Variants in SCN1B observed in about 807,000 individuals in gnomAD.
SCN1B encodes sodium channel regulatory subunit beta-1.
In SCN1B, 11 loss-of-function variants were observed where a neutral mutation model predicts 25.7. That is an observed-to-expected ratio of 0.43 (90% CI 0.27 to 0.71). The LOEUF (loss-of-function observed/expected upper bound fraction) is 0.71. Ranked by LOEUF, SCN1B falls within the 30% of genes least tolerant of loss-of-function variation. SCN1B has a pLI of 0.21. For missense variants in SCN1B, 224 were observed against 291.5 expected (o/e 0.77, Z 1.69); for synonymous variants, 119 against 117.5 (o/e 1.01, Z -0.08).
At position 35,032,654 on chromosome 19, in the gene SCN1B, A is replaced by T. The variant is rs1214500215; in HGVS notation, c.167A>T (p.Glu56Val). The change falls in exon 2 of 6, where the codon GAG becomes GTG. Residue 56 changes from glutamate (E) to valine (V), a missense_variant. This residue lies in a region of SCN1B where 126 missense variants were observed against 204.9 expected (regional missense o/e 0.61). Coordinates refer to ENST00000262631, the MANE Select transcript of SCN1B (RefSeq NM_001037.5). This position sits in a 1 kb window ranked among gnomAD's most constrained non-coding sequence, Gnocchi z 4.3. Reference protein sequence around the residue: ...RSETNAETFTEWTFRQKGTEE... With the variant: ...RSETNAETFTVWTFRQKGTEE... ...GAGACCAACGCTGAGACCTTCACCG[A>T]GTGGACCTTCCGCCAGAAGGGCACT... The T allele has an allele frequency of 1.2e-6, 2 of 1,614,076 alleles. No individual in the cohort carries two copies. The highest frequency in any genetic ancestry group is 8.5e-7 in the Non-Finnish European group (1 of 1,180,038).
rs112920218 is a variant in SCN1B, at chr19:35,039,937, CA to C, written c.*147del. 1,107 of 588,756 alleles carry C rather than the reference CA, an allele frequency of 1.9e-3. 13 individuals are homozygous for C. Among genetic ancestry groups the C allele is most frequent in the African/African-American group, 0.019 (1,001 of 53,420 alleles). 36.5% of individuals were successfully genotyped at this position (588,756 alleles called of 1,614,324 possible). ...ACGGAGCCACTGGGGTGGGAGGGGGCAGGGGGCTTGGCTCGCACCCCCACTT... is the reference window on the plus strand; with the variant it reads ...ACGGAGCCACTGGGGTGGGAGGGGGCGGGGGCTTGGCTCGCACCCCCACTT... On this transcript the variant is annotated 3_prime_UTR_variant, in exon 6 of 6. Coordinates refer to ENST00000262631, the MANE Select transcript of SCN1B (RefSeq NM_001037.5).
chr19:35,038,899 C>T, intron 3 of SCN1B: 1 of 600,072 alleles, frequency 1.7e-6, no homozygotes, highest in Admixed American at 2.3e-5. Flanking sequence ...GTGCTGAGGG[C>T]CTCCAGAATG....
rs765702440 is a variant in SCN1B, at chr19:35,039,239, A to C, written c.571A>C (p.Thr191Pro). The change falls in exon 4 of 6, where the codon ACT becomes CCT. Residue 191 changes from threonine (T) to proline (P), a missense_variant. By Grantham distance (38) the Thr-to-Pro change is conservative. Transcript: ENST00000262631. The part of the protein sequence containing the change: ...CYKKIAAATE[T>P]AAQENASEYL... ...CAAGAAGATCGCTGCCGCCACGGAG[A>C]CTGCTGCACAGGAGAATGCGTGAGT... 2 of 1,613,624 alleles carry C rather than the reference A, an allele frequency of 1.2e-6. No homozygotes were observed. Among genetic ancestry groups the C allele is most frequent in the African/African-American group, 2.7e-5 (2 of 74,904 alleles).
chr19:35,034,082 C>G, intron 3 of SCN1B: 1 of 1,551,658 alleles, frequency 6.4e-7, no homozygotes, highest in Non-Finnish European at 8.7e-7. Flanking sequence ...CGATGTGTTT[C>G]TCGGGGTGTG....
At chr19:35,035,516 C>T (rs1313272870) in intron 3 of SCN1B, 2 of 152,198 alleles carry the variant, frequency 1.3e-5, no homozygotes, top group Non-Finnish European at 2.9e-5. Context: ...TCTCGAACTC[C>T]TGACCTTAGG....
Position 35,030,713 on chromosome 19 carries a change from G to C in SCN1B, c.-108G>C, listed in dbSNP as rs959010822. The C allele has an allele frequency of 3.6e-6, 1 of 275,216 alleles. No individual in the cohort carries two copies. The highest frequency in any genetic ancestry group is 9.8e-5 in the East Asian group (1 of 10,224). The allele number at this position is 275,216 out of a possible 1,614,324, so 17.0% of individuals were successfully genotyped here. A position where few individuals can be genotyped will look rare whatever the true frequency, so the allele number is the denominator to read the frequency against. On this transcript the variant is annotated 5_prime_UTR_variant, in exon 1 of 6. Coordinates refer to ENST00000262631, the MANE Select transcript of SCN1B (RefSeq NM_001037.5). ...CCGGTCCCAGAGCCGCAGCTGCTGC[G>C]CCCGCGCGCTCCCGGGGACATTCTA...
At position 35,030,626 on chromosome 19, in the gene SCN1B, C is replaced by T. The variant is rs1419845346; in HGVS notation, c.-195C>T. On this transcript the variant is annotated 5_prime_UTR_variant, in exon 1 of 6. Transcript: ENST00000262631. ...GCGGGGATGCCCGGACGCCGGGCCC[C>T]GGGGCTGGGCCCCCGGCGGTAACCG... The T allele has an allele frequency of 6.3e-6, 1 of 159,638 alleles. No homozygotes were observed. The highest frequency in any genetic ancestry group is 1.3e-5 in the Non-Finnish European group (1 of 74,572). The allele number at this position is 159,638 out of a possible 1,614,324, so 9.9% of individuals were successfully genotyped here.
chr19:35,038,801 A>G (rs1036826273), intron 3 of SCN1B: 37 of 436,554 alleles, frequency 8.5e-5, no homozygotes, highest in African/African-American at 6.8e-4. Context: ...ACATTGAGTC[A>G]CTTGCGCAAG....
In SCN1B at chr19:35,040,229, G is replaced by A. The variant is rs2064279645; in HGVS notation, c.*438G>A. 5.8e-6 allele frequency: 1 copy of A among 171,824 alleles called. No individual in the cohort carries two copies. Among genetic ancestry groups the A allele is most frequent in the African/African-American group, 2.4e-5 (1 of 41,882 alleles). The allele number at this position is 171,824 out of a possible 1,614,324, so 10.6% of individuals were successfully genotyped here. A position where few individuals can be genotyped will look rare whatever the true frequency, so the allele number is the denominator to read the frequency against. On this transcript the variant is annotated 3_prime_UTR_variant, in exon 6 of 6. Coordinates refer to ENST00000262631, the MANE Select transcript of SCN1B (RefSeq NM_001037.5). ...TGGGCTGGAGCAGTTTGGGGCAGGG[G>A]GTTCTGGGACCCACTCCGACTCCCC...
intron 3 of SCN1B, 154 bp from the exon 4 acceptor site, chr19:35,038,963 C>G (rs1168464226): frequency 1.1e-6 from 1 of 886,034 alleles, no homozygotes; most frequent in East Asian, 2.5e-5. Context: ...TGACCCCCAC[C>G]AGGCCTACCC....
rs2064218982 is a variant in SCN1B, at chr19:35,032,336, A to G, written c.41-192A>G. 6.6e-6 allele frequency among the ~76,000 whole-genome samples: 1 copy of G among 152,276 alleles called. No homozygotes were observed. Among genetic ancestry groups the G allele is most frequent in the Non-Finnish European group, 1.5e-5 (1 of 68,048 alleles). On this transcript the variant is annotated intron_variant, in intron 1 of 5. Coordinates refer to ENST00000262631, the MANE Select transcript of SCN1B (RefSeq NM_001037.5). The surrounding 1 kb of genome is among the most constrained non-coding windows in gnomAD (Gnocchi z 4.3). Reference sequence around the variant, plus strand: ...TGGAAGCAAAGGACCATTTCTTTCAACAAGAGAGAGGGAAACTGAGACTCA... The same window carrying G: ...TGGAAGCAAAGGACCATTTCTTTCAGCAAGAGAGAGGGAAACTGAGACTCA...
intron 3 of SCN1B, chr19:35,034,983 G>A (rs1316252197): frequency 1.3e-5 from 2 of 152,210 alleles, no homozygotes; most frequent in Admixed American, 1.3e-4. Flanking sequence ...ATGCAATTCA[G>A]CAGGCATGTC....
chr19:35,030,713 G>T lies in SCN1B; in HGVS notation c.-108G>T, dbSNP rs959010822. The stretch of plus-strand genomic sequence containing the variant: ...CCGGTCCCAGAGCCGCAGCTGCTGC[G>T]CCCGCGCGCTCCCGGGGACATTCTA... On this transcript the variant is annotated 5_prime_UTR_variant, in exon 1 of 6. Coordinates refer to ENST00000262631, the MANE Select transcript of SCN1B (RefSeq NM_001037.5). 15 of 275,216 alleles carry T rather than the reference G, an allele frequency of 5.5e-5. No homozygotes were observed. In the East Asian group the frequency reaches 8.8e-4, roughly 16 times the overall value. The allele number at this position is 275,216 out of a possible 1,614,324, so 17.0% of individuals were successfully genotyped here.
At chr19:35,034,278 AC>A (rs2064235117) in intron 3 of SCN1B, 4 of 1,073,962 alleles carry the variant, frequency 3.7e-6, no homozygotes, top group Middle Eastern at 3.1e-4. Context: ...AGTTCCGCAC[AC>A]CCCTCTGCAC....
intron 1 of SCN1B, chr19:35,031,302 C>G (rs796494631): frequency 4.5e-4 from 67 of 149,396 alleles, no homozygotes; most frequent in African/African-American, 1.6e-3. Flanking sequence ...CGGAGTGGTC[C>G]GCTGGGATGC....
chr19:35,033,573 C>T lies in SCN1B; in HGVS notation c.282C>T (p.Gly94=). Reference sequence around the variant, plus strand: ...TCGAGGGCCGCGTGGTGTGGAATGGCAGCCGGGGCACCAAAGACCTGCAGG... The same window carrying T: ...TCGAGGGCCGCGTGGTGTGGAATGGTAGCCGGGGCACCAAAGACCTGCAGG... The part of the protein sequence containing the change: ...ERFEGRVVWN[G]SRGTKDLQDL... Residue 94 remains glycine, a synonymous_variant, in exon 3 of 6, where the codon GGC becomes GGT. Transcript: ENST00000262631. 6.2e-7 allele frequency: 1 copy of T among 1,614,048 alleles called. No homozygotes were observed. The highest frequency in any genetic ancestry group is 8.5e-7 in the Non-Finnish European group (1 of 1,179,950).
In SCN1B at chr19:35,039,705, T is replaced by G. The variant is rs895966119; in HGVS notation, c.*4T>G. On this transcript the variant is annotated splice_region_variant and 3_prime_UTR_variant, in exon 5 of 6. Coordinates refer to ENST00000262631, the MANE Select transcript of SCN1B (RefSeq NM_001037.5). Reference sequence around the variant, plus strand: ...GGGCGTCCAGGTGGCCGAATAGCCCTGGTAAGGCGGATGGGCTGGCAGAGG... The same window carrying G: ...GGGCGTCCAGGTGGCCGAATAGCCCGGGTAAGGCGGATGGGCTGGCAGAGG... The G allele has an allele frequency of 6.2e-7, 1 of 1,614,064 alleles. No individual in the cohort carries two copies. The highest frequency in any genetic ancestry group is 8.5e-7 in the Non-Finnish European group (1 of 1,179,934).
rs745580499 is a variant in SCN1B at position 35,039,671 on chromosome 19, G to C, written c.627G>C (p.Glu209Asp). 2 of 1,614,224 alleles carry C rather than the reference G, an allele frequency of 1.2e-6. No homozygotes were observed. The highest frequency in any genetic ancestry group is 1.7e-6 in the Non-Finnish European group (2 of 1,180,026). Reference sequence around the variant, plus strand: ...TGGCCATCACCTCTGAAAGCAAAGAGAACTGCACGGGCGTCCAGGTGGCCG... The same window carrying C: ...TGGCCATCACCTCTGAAAGCAAAGACAACTGCACGGGCGTCCAGGTGGCCG... Reference protein sequence around the residue: ...EYLAITSESKENCTGVQVAE With the variant: ...EYLAITSESKDNCTGVQVAE The change falls in exon 5 of 6, where the codon GAG becomes GAC. Residue 209 changes from glutamate to aspartate, a missense_variant. By Grantham distance (45) the Glu-to-Asp change is conservative. This residue lies in a region of SCN1B where 52 missense variants were observed against 50.8 expected (regional missense o/e 1.02). Coordinates refer to ENST00000262631, the MANE Select transcript of SCN1B (RefSeq NM_001037.5).
At position 35,032,541 on chromosome 19, in the gene SCN1B, C is replaced by CG. The variant is rs1568348569; in HGVS notation, c.59dup (p.Cys21LeufsTer32). 6.2e-7 allele frequency: 1 copy of CG among 1,613,764 alleles called. No homozygotes were observed. The highest frequency in any genetic ancestry group is 8.5e-7 in the Non-Finnish European group (1 of 1,180,036). On this transcript the variant is annotated frameshift_variant, in exon 2 of 6. Coordinates refer to ENST00000262631, the MANE Select transcript of SCN1B (RefSeq NM_001037.5). LOFTEE classifies it high-confidence loss of function. The surrounding 1 kb of genome is among the most constrained non-coding windows in gnomAD (Gnocchi z 4.3). Reference sequence around the variant, plus strand: ...CTGTCCCCACAGTGTCCTCAGCCTGCGGGGGCTGCGTGGAGGTGGACTCGG... The same window carrying CG: ...CTGTCCCCACAGTGTCCTCAGCCTGCGGGGGGCTGCGTGGAGGTGGACTCGG...
Sources: allele counts gnomAD v4.1 joint callset (sites outside exome capture counted in the v4.1 genomes callset), GRCh38; gene constraint gnomAD v4.1.1; regional missense constraint gnomAD v4.1.1; non-coding constraint Gnocchi (gnomAD v3.1); transcripts MANE v1.5; gene names NCBI Gene and HGNC (gene_info 2026-07-23, HGNC 2026-07-21).